The following SLC39A11 variants were observed in gnomAD, a reference collection of about 807,000 sequenced individuals.
The protein encoded by SLC39A11 is solute carrier family 39 member 11.
Under a neutral mutation model 36.1 loss-of-function variants are expected in SLC39A11, and 33 were observed. The ratio of observed to expected loss-of-function variants is 0.91; its 90% CI spans 0.69 to 1.22. The LOEUF (loss-of-function observed/expected upper bound fraction) is 1.22, where lower values mean the gene tolerates loss of function less well. Among genes scored for constraint, SLC39A11 ranks in the 50% most tolerant of loss-of-function variants. The probability of loss-of-function intolerance (pLI) is 0.00; values close to 1 mark genes in which losing one functional copy is unlikely to be tolerated. For missense variants in SLC39A11, 432 were observed against 430.3 expected, an observed-to-expected ratio of 1.00 and a Z score of -0.03; for synonymous variants, 166 against 170.3, an observed-to-expected ratio of 0.97 and a Z score of 0.20.
At chr17:72,771,530 G>A (rs1189615212) in intron 6 of SLC39A11, among the ~76,000 whole-genome samples, 1 of 152,088 alleles carries the variant, frequency 6.6e-6, no homozygotes, top group Non-Finnish European at 1.5e-5. Context: ...TGCAGGAGGA[G>A]AGCCTGCAGC....
chr17:73,008,989 G>A (rs184646001), intron 4 of SLC39A11, among the ~76,000 whole-genome samples: 2,260 of 148,164 alleles, frequency 0.015, 25 homozygotes, highest in Non-Finnish European at 0.025. Flanking sequence ...TGAGCCTGGG[G>A]CCCTTAAGGC....
At chr17:72,974,493 C>T (rs2087702448) in intron 4 of SLC39A11, among the ~76,000 whole-genome samples, 1 of 148,454 alleles carries the variant, frequency 6.7e-6, no homozygotes, top group Admixed American at 6.7e-5. Context: ...AAAAAGCTTA[C>T]AGAACAAAGA....
At chr17:72,667,312 C>A (rs984498730) in intron 7 of SLC39A11, among the ~76,000 whole-genome samples, 5 of 152,174 alleles carry the variant, frequency 3.3e-5, no homozygotes, top group Non-Finnish European at 7.3e-5. Flanking sequence ...GAAGCCTAAC[C>A]ATATGGAAAG....
chr17:72,879,565 G>C (rs933141770), intron 5 of SLC39A11, among the ~76,000 whole-genome samples: 1 of 152,126 alleles, frequency 6.6e-6, no homozygotes, highest in African/African-American at 2.4e-5. Context: ...AGCTCTGTGA[G>C]GACAGGAGGT....
intron 5 of SLC39A11, among the ~76,000 whole-genome samples, chr17:72,879,837 G>A (rs923338305): frequency 1.3e-5 from 2 of 152,184 alleles, no homozygotes; most frequent in African/African-American, 4.8e-5. Context: ...ACTGGCAAAT[G>A]CCACCTGGTC....
intron 4 of SLC39A11, among the ~76,000 whole-genome samples, chr17:73,012,611 C>T (rs1019074971): frequency 1.3e-5 from 2 of 151,550 alleles, no homozygotes; most frequent in East Asian, 3.9e-4. Flanking sequence ...TTGTGTGATG[C>T]TAAGGTTAGG....
At chr17:72,730,825 G>A (rs2074184754) in intron 7 of SLC39A11, among the ~76,000 whole-genome samples, 1 of 152,134 alleles carries the variant, frequency 6.6e-6, no homozygotes, top group Admixed American at 6.5e-5. Flanking sequence ...ATGCCTAGAT[G>A]ATTTTTTTTC....
At chr17:72,962,169 A>G (rs187363170) in intron 4 of SLC39A11, among the ~76,000 whole-genome samples, 1 of 152,260 alleles carries the variant, frequency 6.6e-6, no homozygotes, top group Admixed American at 6.5e-5. Context: ...CTAAGCCTAA[A>G]TTCCAAAGCA....
At chr17:72,843,134 G>C (rs1280593338) in intron 6 of SLC39A11, among the ~76,000 whole-genome samples, 2 of 152,030 alleles carry the variant, frequency 1.3e-5, no homozygotes, top group African/African-American at 4.8e-5. Context: ...ATTTTTAGTA[G>C]AGACGGGGTG....
chr17:72,864,829 A>G (rs2146279592), intron 5 of SLC39A11, among the ~76,000 whole-genome samples: 1 of 152,322 alleles, frequency 6.6e-6, no homozygotes, highest in Admixed American at 6.5e-5. Context: ...ATGTCAAGTT[A>G]TAAGTCTTGA....
chr17:73,064,727 T>C (rs2059948123), intron 3 of SLC39A11, among the ~76,000 whole-genome samples: 2 of 151,936 alleles, frequency 1.3e-5, no homozygotes, highest in South Asian at 4.1e-4. Context: ...GGAAGGGAAG[T>C]GGAATGAGGC....
intron 7 of SLC39A11, among the ~76,000 whole-genome samples, chr17:72,701,727 CA>C (rs57220008): frequency 0.065 from 5,810 of 88,758 alleles, 202 homozygotes; most frequent in African/African-American, 0.19. Context: ...GATTCTGTCT[CA>C]AAAAAAAAAA....
At chr17:72,862,353 A>G (rs1358815073) in intron 5 of SLC39A11, among the ~76,000 whole-genome samples, 1 of 152,204 alleles carries the variant, frequency 6.6e-6, no homozygotes, top group African/African-American at 2.4e-5. Flanking sequence ...CAGGAGGAAA[A>G]AAATAAATCA....
intron 4 of SLC39A11, among the ~76,000 whole-genome samples, chr17:72,989,708 G>A (rs1228702521): frequency 6.6e-6 from 1 of 152,098 alleles, no homozygotes; most frequent in African/African-American, 2.4e-5. Context: ...TTCAAGATGT[G>A]GATTTTTGCA....
chr17:72,716,664 T>C (rs1357838462), intron 7 of SLC39A11, among the ~76,000 whole-genome samples: 1 of 151,610 alleles, frequency 6.6e-6, no homozygotes, highest in Non-Finnish European at 1.5e-5. Context: ...CAGAGAAGAA[T>C]ATGGATGAAA....
intron 6 of SLC39A11, among the ~76,000 whole-genome samples, chr17:72,813,272 T>C (rs1055741407): frequency 3.3e-5 from 5 of 152,356 alleles, no homozygotes; most frequent in Non-Finnish European, 7.3e-5. Context: ...GATGGAGAAC[T>C]CTTTTCTGGT....
At chr17:73,064,231 C>A (rs1376327297) in intron 3 of SLC39A11, among the ~76,000 whole-genome samples, 1 of 152,206 alleles carries the variant, frequency 6.6e-6, no homozygotes, top group Non-Finnish European at 1.5e-5. Flanking sequence ...TCTGCAGAAA[C>A]CAAGCACTGT....
intron 7 of SLC39A11, among the ~76,000 whole-genome samples, chr17:72,693,025 T>C (rs1323745393): frequency 6.6e-6 from 1 of 152,242 alleles, no homozygotes; most frequent in Non-Finnish European, 1.5e-5. Context: ...ATCAGCATTC[T>C]AGGGGTTTTA....
chr17:72,978,015 A>G (rs1239938936), intron 4 of SLC39A11, among the ~76,000 whole-genome samples: 1 of 152,226 alleles, frequency 6.6e-6, no homozygotes, highest in Admixed American at 6.5e-5. Context: ...TCAGTCTCCG[A>G]GCAAGCTTCT....
Sources: gnomAD v4.1 joint callset for allele counts (sites outside exome capture counted in the v4.1 genomes callset) on GRCh38, gnomAD v4.1.1 for gene constraint, MANE v1.5 for transcripts, NCBI Gene and HGNC (gene_info 2026-07-23, HGNC 2026-07-21) for gene names.